Variants in GDPD4 observed in about 807,000 individuals in gnomAD.
GDPD4 encodes glycerophosphodiester phosphodiesterase domain containing 4.
A neutral mutation model predicts 67.8 loss-of-function variants in GDPD4; 60 were observed. The ratio of observed to expected loss-of-function variants is 0.88; its 90% confidence interval spans 0.72 to 1.10. The LOEUF (loss-of-function observed/expected upper bound fraction) is 1.10. Among genes scored for constraint, GDPD4 ranks in the 50% least tolerant of loss-of-function variants. The pLI is 0.00. For missense variants in GDPD4, 623 were observed against 613.9 expected (o/e 1.01, Z -0.16); for synonymous variants, 212 against 210.9 (o/e 1.00, Z -0.04).
rs367651248 is a variant in GDPD4 at position 77,267,107 on chromosome 11, G to A, written c.707+1350C>T. Reference sequence around the variant, plus strand: ...TATCTTTTATATTGTTATTTTTACCGTACTTTTCCTATGTTTGGATATATT... The same window carrying A: ...TATCTTTTATATTGTTATTTTTACCATACTTTTCCTATGTTTGGATATATT... On this transcript the variant is annotated intron_variant, in intron 10 of 16. Coordinates refer to ENST00000315938, the MANE Select transcript of GDPD4 (RefSeq NM_182833.3). Among the ~76,000 whole-genome samples, 93 of 152,146 alleles carry A rather than the reference G, an allele frequency of 6.1e-4. No individual in the cohort carries two copies. In the South Asian group the frequency reaches 0.015, roughly 24 times the overall value.
chr11:77,295,681 G>A (rs1176172050), intron 1 of GDPD4, among the ~76,000 whole-genome samples: 3 of 152,082 alleles, frequency 2.0e-5, no homozygotes, highest in Non-Finnish European at 2.9e-5. Context: ...AGAAAACATA[G>A]ACGAAATCTG....
intron 11 of GDPD4, among the ~76,000 whole-genome samples, chr11:77,256,955 A>G (rs1959014554): frequency 6.6e-6 from 1 of 152,184 alleles, no homozygotes; most frequent in Non-Finnish European, 1.5e-5. Flanking sequence ...ATGGACAAAC[A>G]CAGTAGGTAA....
At chr11:77,256,898 T>C (rs1959013288) in intron 11 of GDPD4, among the ~76,000 whole-genome samples, 1 of 152,296 alleles carries the variant, frequency 6.6e-6, no homozygotes, top group East Asian at 1.9e-4. Flanking sequence ...AAACCTCTTT[T>C]CTTTTTAAAT....
In GDPD4 at chr11:77,258,568, C is replaced by A. The variant is rs148786912; in HGVS notation, c.708-26G>T. The A allele has an allele frequency of 2.0e-3, 3,212 of 1,612,434 alleles. 6 individuals carry two copies. The highest frequency in any genetic ancestry group is 2.3e-3 in the Non-Finnish European group (2,707 of 1,178,670). On this transcript the variant is annotated intron_variant, in intron 10 of 16. Transcript: ENST00000315938. ...CTGAGGCAGAGGTAGAAAAGAAGGGCAGGGGTAGATAGGCTGAATTTAGCT... is the reference window on the plus strand; with the variant it reads ...CTGAGGCAGAGGTAGAAAAGAAGGGAAGGGGTAGATAGGCTGAATTTAGCT...
intron 4 of GDPD4, among the ~76,000 whole-genome samples, 156 bp from the exon 5 acceptor site, chr11:77,276,376 T>C (rs1793488): frequency 0.74 from 113,306 of 152,108 alleles, 43,325 homozygotes; most frequent in African/African-American, 0.93. Flanking sequence ...GTTTTCCATG[T>C]TGTTTGCCTG....
rs930712435 is a variant in GDPD4 at position 77,221,481 on chromosome 11, C to A, written c.1526-4167G>T. Among the ~76,000 whole-genome samples the A allele has an allele frequency of 2.0e-5, 3 of 152,242 alleles. No individual in the cohort carries two copies. The East Asian group carries it at 5.8e-4, about 29-fold the overall frequency. On this transcript the variant is annotated intron_variant, in intron 16 of 16. Coordinates refer to ENST00000315938, the MANE Select transcript of GDPD4 (RefSeq NM_182833.3). ...ACCATCTTTATTTCTGCCTTCATTT[C>A]GTTATGTACCCAGTAGTCATTCAGG...
chr11:77,285,051 T>C (rs1040685800), intron 3 of GDPD4, 34 bp downstream of exon 3: 2 of 1,535,088 alleles, frequency 1.3e-6, no homozygotes, highest in Admixed American at 3.4e-5. Flanking sequence ...CAAAATACCC[T>C]TACACAAATG....
At chr11:77,248,959 T>A (rs1958835060) in intron 11 of GDPD4, among the ~76,000 whole-genome samples, 1 of 148,822 alleles carries the variant, frequency 6.7e-6, no homozygotes, top group Non-Finnish European at 1.5e-5. Flanking sequence ...ACTCATGACC[T>A]CTCCCCTATA....
intron 1 of GDPD4, among the ~76,000 whole-genome samples, chr11:77,289,789 AAG>A (rs567520751): frequency 7.3e-5 from 9 of 124,026 alleles, no homozygotes; most frequent in Non-Finnish European, 6.9e-5. Context: ...AGGGGAGGGA[AAG>A]AGAGAGAGAG....
At chr11:77,256,402 A>G (rs1959004586) in intron 11 of GDPD4, among the ~76,000 whole-genome samples, 1 of 152,234 alleles carries the variant, frequency 6.6e-6, no homozygotes. Context: ...TTATTTTCAT[A>G]TATGGAAATA....
At chr11:77,244,461 G>T (rs867660769) in intron 12 of GDPD4, among the ~76,000 whole-genome samples, 15 of 152,180 alleles carry the variant, frequency 9.9e-5, no homozygotes, top group African/African-American at 3.6e-4. Flanking sequence ...TGTACACAAA[G>T]ACTCATACAA....
chr11:77,258,656 C>A, intron 10 of GDPD4, 114 bp from the exon 11 acceptor site: 1 of 863,346 alleles, frequency 1.2e-6, no homozygotes, highest in Middle Eastern at 3.1e-4. Context: ...GGGCTCCTTA[C>A]TCCCTCTCAA....
At chr11:77,241,856 C>G (rs188118116) in intron 13 of GDPD4, among the ~76,000 whole-genome samples, 18 of 152,006 alleles carry the variant, frequency 1.2e-4, no homozygotes, top group Non-Finnish European at 2.6e-4. Context: ...CTGCTTGAAT[C>G]CAAGAGGCGG....
rs1323157819 is a variant in GDPD4, at chr11:77,293,446, T to G, written c.-253-6026A>C. Among the ~76,000 whole-genome samples, 4 of 151,930 alleles carry G rather than the reference T, an allele frequency of 2.6e-5. No individual in the cohort carries two copies. The East Asian group carries it at 7.7e-4, about 29-fold the overall frequency. ...CTGTATCCACAAAAAAATACAAAAA[T>G]TAGCTGGGTGTGGTGGCACATCCCT... On this transcript the variant is annotated intron_variant, in intron 1 of 16. Coordinates refer to ENST00000315938, the MANE Select transcript of GDPD4 (RefSeq NM_182833.3).
chr11:77,250,318 T>G (rs1958865413), intron 11 of GDPD4, among the ~76,000 whole-genome samples: 2 of 152,202 alleles, frequency 1.3e-5, no homozygotes, highest in Non-Finnish European at 2.9e-5. Context: ...TAGCTCCCAC[T>G]TATAAGTGAG....
At chr11:77,273,034 G>C (rs555568761) in intron 5 of GDPD4, among the ~76,000 whole-genome samples, 1 of 152,044 alleles carries the variant, frequency 6.6e-6, no homozygotes, top group African/African-American at 2.4e-5. Context: ...ATATATTCCA[G>C]GTTTGTTTAC....
At chr11:77,225,014 G>A (rs1230236192) in intron 16 of GDPD4, among the ~76,000 whole-genome samples, 1 of 151,748 alleles carries the variant, frequency 6.6e-6, no homozygotes, top group Non-Finnish European at 1.5e-5. Flanking sequence ...TAAGGCAGGA[G>A]GATTGTTTGA....
In GDPD4 at chr11:77,268,031, C is replaced by T. The variant is rs529573256; in HGVS notation, c.707+426G>A. Among the ~76,000 whole-genome samples, 3 of 152,216 alleles carry T rather than the reference C, an allele frequency of 2.0e-5. No individual in the cohort carries two copies. The East Asian group carries it at 5.8e-4, about 29-fold the overall frequency. On this transcript the variant is annotated intron_variant, in intron 10 of 16. Transcript: ENST00000315938. ...GCCTTATTCTGTAGTTATCTGTAAA[C>T]ATCCCATGTCTCCTTCACTAGCTGG...
intron 16 of GDPD4, among the ~76,000 whole-genome samples, chr11:77,223,361 G>A (rs1958264433): frequency 6.6e-6 from 1 of 152,170 alleles, no homozygotes; most frequent in South Asian, 2.1e-4. Context: ...GTGATCTACA[G>A]ATGGGGTTTT....
Sources: allele counts gnomAD v4.1 joint callset (sites outside exome capture counted in the v4.1 genomes callset), GRCh38; gene constraint gnomAD v4.1.1; transcripts MANE v1.5; gene names NCBI Gene and HGNC (gene_info 2026-07-23, HGNC 2026-07-21).